The following NDUFV3 variants were observed in gnomAD, a reference collection of about 807,000 sequenced individuals.
NDUFV3 encodes the protein NADH:ubiquinone oxidoreductase subunit V3.
NDUFV3 carries 44 observed loss-of-function variants against 37.5 expected under a neutral mutation model. The ratio of observed to expected loss-of-function variants is 1.17; its 90% CI spans 0.92 to 1.51. NDUFV3 has a LOEUF of 1.51. Among genes scored for constraint, NDUFV3 ranks in the 40% most tolerant of loss-of-function variants. NDUFV3 has a pLI of 0.00. For synonymous variants in NDUFV3, 235 were observed against 239.3 expected, an observed-to-expected ratio of 0.98 and a Z score of 0.17; for missense variants, 580 against 580.4, an observed-to-expected ratio of 1.00 and a Z score of 0.01.
intron 1 of NDUFV3, among the ~76,000 whole-genome samples, chr21:42,894,485 A>G (rs1195706264): frequency 1.2e-5 from 1 of 85,602 alleles, no homozygotes; most frequent in Non-Finnish European, 2.1e-5. Flanking sequence ...ATATATTTAT[A>G]TATTTATATA....
At chr21:42,896,070 A>G (rs1396623838) in intron 1 of NDUFV3, among the ~76,000 whole-genome samples, 1 of 137,428 alleles carries the variant, frequency 7.3e-6, no homozygotes, top group East Asian at 2.1e-4. Flanking sequence ...TGCAACCTCC[A>G]CCTCCTGAGT....
chr21:42,896,899 C>T, intron 1 of NDUFV3, 28 bp from the exon 2 acceptor site: 3 of 1,602,636 alleles, frequency 1.9e-6, no homozygotes, highest in Non-Finnish European at 2.6e-6. Flanking sequence ...TTACTCTAAA[C>T]ATCCATATTC....
At position 42,903,935 on chromosome 21, in the gene NDUFV3, C is replaced by T. The variant is rs749517661; in HGVS notation, c.923C>T (p.Ala308Val). 1.5e-5 allele frequency: 24 copies of T among 1,613,014 alleles called. No individual in the cohort carries two copies. The highest frequency in any genetic ancestry group is 3.3e-5 in the South Asian group (3 of 91,066). Residue 308 changes from alanine to valine, a missense_variant, in exon 3 of 4, where the codon GCG becomes GTG. Coordinates refer to ENST00000354250, the MANE Select transcript of NDUFV3 (RefSeq NM_021075.4). ...GLSAPPKGSPAPAVLAEEARA... is the reference protein window; with the variant it reads ...GLSAPPKGSPVPAVLAEEARA... ...TCTGCGCCACCGAAGGGCAGCCCAG[C>T]GCCTGCTGTGTTGGCAGAAGAGGCC...
intron 3 of NDUFV3, among the ~76,000 whole-genome samples, chr21:42,907,363 A>C (rs1601225705): frequency 6.6e-6 from 1 of 151,660 alleles, no homozygotes; most frequent in Non-Finnish European, 1.5e-5. Context: ...GCTCACTGCA[A>C]CCTCCACCTC....
chr21:42,894,051 A>G (rs1220170466), intron 1 of NDUFV3, among the ~76,000 whole-genome samples: 1 of 151,334 alleles, frequency 6.6e-6, no homozygotes, highest in Non-Finnish European at 1.5e-5. Flanking sequence ...CCCCGTCTCT[A>G]AAAAATACAA....
At chr21:42,894,496 A>T (rs1408129829) in intron 1 of NDUFV3, among the ~76,000 whole-genome samples, 9 of 79,442 alleles carry the variant, frequency 1.1e-4, no homozygotes, top group Admixed American at 3.6e-4. Context: ...TATTTATATA[A>T]TATATAATAT....
At chr21:42,896,010 GTC>G (rs1332807933) in intron 1 of NDUFV3, among the ~76,000 whole-genome samples, 1 of 131,550 alleles carries the variant, frequency 7.6e-6, no homozygotes, top group East Asian at 2.1e-4. Context: ...TCCTGAGACA[GTC>G]TCACTCTGTT....
At chr21:42,900,583 C>T (rs2058714187) in intron 2 of NDUFV3, among the ~76,000 whole-genome samples, 3 of 152,094 alleles carry the variant, frequency 2.0e-5, no homozygotes, top group Admixed American at 2.0e-4. Context: ...CATATTTTCC[C>T]CTGAAGTGTT....
chr21:42,893,723 G>T lies in NDUFV3; in HGVS notation c.48+342G>T, dbSNP rs534207163. Among the ~76,000 whole-genome samples, 10 of 152,352 alleles carry T rather than the reference G, an allele frequency of 6.6e-5. No homozygotes were observed. The South Asian group carries it at 2.1e-3, about 32-fold the overall frequency. ...CCCAGGTGATGCTGCCGCGCGGCTG[G>T]GGTCAGCCGCTGTGCGGCTCCCGCA... On this transcript the variant is annotated intron_variant, in intron 1 of 3. Coordinates refer to ENST00000354250, the MANE Select transcript of NDUFV3 (RefSeq NM_021075.4).
Position 42,910,611 on chromosome 21 carries a change from C to CAGTACAGGGACGGAGTAGGAAGA in NDUFV3, c.*1590_*1591insAGTACAGGGACGGAGTAGGAAGA, listed in dbSNP as rs2058765920. 6.2e-6 allele frequency: 1 copy of CAGTACAGGGACGGAGTAGGAAGA among 160,664 alleles called. No homozygotes were observed. 10.0% of individuals were successfully genotyped at this position (160,664 alleles called of 1,614,324 possible). A position where few individuals can be genotyped will look rare whatever the true frequency, so the allele number is the denominator to read the frequency against. ...GAGTAGGAAGAGGTGAAGTTTCGTG[C>CAGTACAGGGACGGAGTAGGAAGA]GGTGCAGGGACGGAGTAGGAAGAGG... On this transcript the variant is annotated 3_prime_UTR_variant, in exon 4 of 4. Coordinates refer to ENST00000354250, the MANE Select transcript of NDUFV3 (RefSeq NM_021075.4).
chr21:42,895,338 C>T (rs1488331764), intron 1 of NDUFV3, among the ~76,000 whole-genome samples: 2 of 152,052 alleles, frequency 1.3e-5, no homozygotes, highest in Non-Finnish European at 2.9e-5. Context: ...AAAACTTGGC[C>T]GGGCATGGTG....
rs1343294467 is a variant in NDUFV3, at chr21:42,910,200, C to T, written c.*1179C>T. The T allele has an allele frequency of 1.3e-5, 2 of 152,280 alleles. No homozygotes were observed. The highest frequency in any genetic ancestry group is 3.9e-4 in the East Asian group (2 of 5,160). The allele number at this position is 152,280 out of a possible 1,614,324, so 9.4% of individuals were successfully genotyped here. On this transcript the variant is annotated 3_prime_UTR_variant, in exon 4 of 4. Coordinates refer to ENST00000354250, the MANE Select transcript of NDUFV3 (RefSeq NM_021075.4). ...ATCAGCCAGGCATGCTAGTGGGTAC[C>T]TGTAATCCCAGCTACTCAGGAAGCT...
intron 1 of NDUFV3, among the ~76,000 whole-genome samples, chr21:42,895,744 C>T (rs762067452): frequency 2.0e-5 from 3 of 151,672 alleles, no homozygotes; most frequent in South Asian, 2.1e-4. Context: ...CACTGGAGAA[C>T]GTCTGGTTGA....
At chr21:42,895,278 C>T (rs7277472) in intron 1 of NDUFV3, among the ~76,000 whole-genome samples, 97,798 of 151,964 alleles carry the variant, frequency 0.64, 33,201 homozygotes, top group African/African-American at 0.86. Context: ...AGGCCAGGAA[C>T]TCGAGACCAA....
intron 3 of NDUFV3, among the ~76,000 whole-genome samples, chr21:42,908,410 G>T (rs1236863838): frequency 6.6e-6 from 1 of 152,150 alleles, no homozygotes. Context: ...CTTTACTGTG[G>T]CTTTTGTAGG....
At chr21:42,900,028 T>C (rs966907614) in intron 2 of NDUFV3, among the ~76,000 whole-genome samples, 3 of 152,122 alleles carry the variant, frequency 2.0e-5, no homozygotes, top group South Asian at 2.1e-4. Context: ...TGAAAACCTA[T>C]CTCTAGAAAA....
At chr21:42,898,400 A>G (rs2058703878) in intron 2 of NDUFV3, among the ~76,000 whole-genome samples, 3 of 151,994 alleles carry the variant, frequency 2.0e-5, no homozygotes, top group African/African-American at 7.2e-5. Context: ...CTCCCACCTC[A>G]GCCTCCTGAG....
chr21:42,910,208 C>T lies in NDUFV3; in HGVS notation c.*1187C>T, dbSNP rs1232972747. The T allele has an allele frequency of 6.6e-6, 1 of 152,124 alleles. No individual in the cohort carries two copies. Among genetic ancestry groups the T allele is most frequent in the Non-Finnish European group, 1.5e-5 (1 of 68,074 alleles). 9.4% of individuals were successfully genotyped at this position (152,124 alleles called of 1,614,324 possible). A position where few individuals can be genotyped will look rare whatever the true frequency, so the allele number is the denominator to read the frequency against. On this transcript the variant is annotated 3_prime_UTR_variant, in exon 4 of 4. Coordinates refer to ENST00000354250, the MANE Select transcript of NDUFV3 (RefSeq NM_021075.4). ...GGCATGCTAGTGGGTACCTGTAATC[C>T]CAGCTACTCAGGAAGCTGAGGCAGG...
At position 42,910,530 on chromosome 21, in the gene NDUFV3, TCGTG is replaced by T. The variant is rs2058765393; in HGVS notation, c.*1511_*1514del. ...GGACGAAGTAGGAAGAGGTGAAGTT[TCGTG>T]CAGTACAGGGACGGAGTAGGAAGAG... On this transcript the variant is annotated 3_prime_UTR_variant, in exon 4 of 4. Coordinates refer to ENST00000354250, the MANE Select transcript of NDUFV3 (RefSeq NM_021075.4). The T allele has an allele frequency of 7.0e-6, 1 of 142,680 alleles. No homozygotes were observed. Among genetic ancestry groups the T allele is most frequent in the African/African-American group, 2.5e-5 (1 of 40,740 alleles). 8.8% of individuals were successfully genotyped at this position (142,680 alleles called of 1,614,324 possible). A position where few individuals can be genotyped will look rare whatever the true frequency, so the allele number is the denominator to read the frequency against.
Sources: allele counts gnomAD v4.1 joint callset (sites outside exome capture counted in the v4.1 genomes callset), GRCh38; gene constraint gnomAD v4.1.1; transcripts MANE v1.5; gene names NCBI Gene and HGNC (gene_info 2026-07-23, HGNC 2026-07-21).